Variants in GALNTL6 observed in about 807,000 individuals in gnomAD.
The protein encoded by GALNTL6 is polypeptide N-acetylgalactosaminyltransferase-like 6.
A neutral mutation model predicts 73.7 loss-of-function variants in GALNTL6; 46 were observed. That is an observed-to-expected ratio of 0.62 (90% confidence interval 0.49 to 0.80). The LOEUF is 0.80. Ranked by LOEUF, GALNTL6 falls within the 30% of genes least tolerant of loss-of-function variation. GALNTL6 has a pLI of 0.00. For missense variants in GALNTL6, 604 were observed against 755.0 expected (o/e 0.80, Z 2.34); for synonymous variants, 259 against 263.7 (o/e 0.98, Z 0.17).
At chr4:172,303,889 T>G (rs2626620) in intron 3 of GALNTL6, among the ~76,000 whole-genome samples, 122,448 of 151,980 alleles carry the variant, frequency 0.81, 49,913 homozygotes, top group Non-Finnish European at 0.87. Flanking sequence ...TCTGTTTATG[T>G]GTCCCATCTC....
chr4:172,833,181 A>C (rs1435046456), intron 7 of GALNTL6, among the ~76,000 whole-genome samples: 1 of 152,214 alleles, frequency 6.6e-6, no homozygotes, highest in Non-Finnish European at 1.5e-5. Context: ...GCAAGACCAG[A>C]CCATAAGCTA....
intron 4 of GALNTL6, among the ~76,000 whole-genome samples, chr4:172,331,642 T>C (rs1741130261): frequency 6.6e-6 from 1 of 152,228 alleles, no homozygotes; most frequent in Admixed American, 6.5e-5. Context: ...TTTATTTTTC[T>C]GAGACTGGCT....
At chr4:172,079,273 A>T (rs1731803860) in intron 2 of GALNTL6, among the ~76,000 whole-genome samples, 1 of 152,034 alleles carries the variant, frequency 6.6e-6, no homozygotes, top group South Asian at 2.1e-4. Context: ...TGTAAAATAT[A>T]TTATAGATAA....
intron 2 of GALNTL6, among the ~76,000 whole-genome samples, chr4:172,066,297 A>G (rs759870436): frequency 2.4e-4 from 36 of 152,094 alleles, no homozygotes; most frequent in Non-Finnish European, 4.9e-4. Context: ...TCTCTTTACT[A>G]TCTCCATAGT....
intron 2 of GALNTL6, among the ~76,000 whole-genome samples, chr4:171,915,502 T>A (rs778454827): frequency 2.0e-5 from 3 of 152,314 alleles, no homozygotes; most frequent in Non-Finnish European, 4.4e-5. Flanking sequence ...TATCTTTTAG[T>A]TTTGATCTTA....
intron 5 of GALNTL6, among the ~76,000 whole-genome samples, chr4:172,639,137 TG>T (rs1051696313): frequency 1.3e-5 from 2 of 152,130 alleles, no homozygotes; most frequent in Non-Finnish European, 2.9e-5. Context: ...AATATGTATC[TG>T]GTAGGGAGGG....
At chr4:171,984,412 T>A (rs1327939057) in intron 2 of GALNTL6, among the ~76,000 whole-genome samples, 1 of 152,178 alleles carries the variant, frequency 6.6e-6, no homozygotes, top group East Asian at 1.9e-4. Context: ...GTGGTCTGCA[T>A]GCTAGCTCAG....
intron 5 of GALNTL6, among the ~76,000 whole-genome samples, chr4:172,803,360 CAT>C (rs1740768996): frequency 1.3e-5 from 2 of 152,152 alleles, no homozygotes; most frequent in South Asian, 2.1e-4. Context: ...GTGAACTACA[CAT>C]GTGAGGGATC....
intron 5 of GALNTL6, among the ~76,000 whole-genome samples, chr4:172,599,592 C>T (rs1737982287): frequency 6.6e-6 from 1 of 152,026 alleles, no homozygotes; most frequent in African/African-American, 2.4e-5. Context: ...GAAAAAATTT[C>T]TTACCATTTT....
intron 5 of GALNTL6, among the ~76,000 whole-genome samples, chr4:172,726,578 A>T (rs555322064): frequency 1.3e-5 from 2 of 152,314 alleles, no homozygotes; most frequent in Non-Finnish European, 2.9e-5. Flanking sequence ...ATTGAACCCC[A>T]ACCTATAATC....
Position 173,040,026 on chromosome 4 carries a change from G to C in GALNTL6, c.1732G>C (p.Glu578Gln). ...IFMARCDPLS[E>Q]TQQWIFEHIN... ...CATGGCCAGATGTGACCCTCTCTCT[G>C]AGACTCAGCAGTGGATTTTTGAACA... Residue 578 changes from glutamate to glutamine, a missense_variant, in exon 13 of 13, where the codon GAG (glutamate) becomes CAG (glutamine). By Grantham distance (29) the Glu-to-Gln change is conservative (BLOSUM62 2). Transcript: ENST00000506823. The C allele has an allele frequency of 6.2e-7, 1 of 1,613,628 alleles. No homozygotes were observed. The highest frequency in any genetic ancestry group is 1.3e-5 in the African/African-American group (1 of 75,006).
Position 172,176,713 on chromosome 4 carries a change from C to T in GALNTL6, c.139-52943C>T, listed in dbSNP as rs986605224. Among the ~76,000 whole-genome samples the T allele has an allele frequency of 1.8e-4, 28 of 152,108 alleles. No individual in the cohort carries two copies. The East Asian group carries it at 3.3e-3, about 18-fold the overall frequency. On this transcript the variant is annotated intron_variant, in intron 2 of 12. Transcript: ENST00000506823. ...CTGAGGGAGGAGGATCGCTGGAGCT[C>T]AGGAGTTGGAGGTTACAGTGAGCTA...
At chr4:172,287,887 G>A (rs1018302913) in intron 3 of GALNTL6, among the ~76,000 whole-genome samples, 4 of 152,228 alleles carry the variant, frequency 2.6e-5, no homozygotes, top group East Asian at 1.9e-4. Flanking sequence ...GAACCTTGGG[G>A]AATGAAAAAC....
At chr4:172,995,432 TC>T (rs1751734807) in intron 10 of GALNTL6, among the ~76,000 whole-genome samples, 1 of 152,186 alleles carries the variant, frequency 6.6e-6, no homozygotes, top group Non-Finnish European at 1.5e-5. Flanking sequence ...TCTGTGGCTT[TC>T]CTTCAAAGCA....
chr4:171,960,061 A>T (rs1739176237), intron 2 of GALNTL6, among the ~76,000 whole-genome samples: 1 of 152,232 alleles, frequency 6.6e-6, no homozygotes, highest in African/African-American at 2.4e-5. Flanking sequence ...AAGTGAGGAC[A>T]GATTATCACT....
intron 2 of GALNTL6, among the ~76,000 whole-genome samples, chr4:172,019,526 A>G (rs1741330687): frequency 6.6e-6 from 1 of 152,174 alleles, no homozygotes; most frequent in Non-Finnish European, 1.5e-5. Context: ...CAATACTTAT[A>G]TGAGACAAAA....
intron 2 of GALNTL6, among the ~76,000 whole-genome samples, chr4:171,956,708 C>A (rs1739059882): frequency 6.6e-6 from 1 of 152,116 alleles, no homozygotes. Context: ...AATAAATATG[C>A]ATTGACTTTA....
chr4:172,637,622 CAAT>C (rs1739757887), intron 5 of GALNTL6, among the ~76,000 whole-genome samples: 1 of 152,138 alleles, frequency 6.6e-6, no homozygotes. Context: ...ACAAACAACA[CAAT>C]AAATTCTACA....
chr4:172,586,096 T>G (rs1406874871), intron 5 of GALNTL6, among the ~76,000 whole-genome samples: 1 of 152,196 alleles, frequency 6.6e-6, no homozygotes, highest in Non-Finnish European at 1.5e-5. Flanking sequence ...TGAAAGACAG[T>G]GCCGTGATTC....
Sources: allele counts gnomAD v4.1 joint callset (sites outside exome capture counted in the v4.1 genomes callset), GRCh38; gene constraint gnomAD v4.1.1; transcripts MANE v1.5; gene names NCBI Gene and HGNC (gene_info 2026-07-23, HGNC 2026-07-21).